The following LYZL1 variants were observed in gnomAD, a reference collection of about 807,000 sequenced individuals.
The protein encoded by LYZL1 is lysozyme like 1, also known as lysozyme-like protein 1.
Under a neutral mutation model 17.9 loss-of-function variants are expected in LYZL1, and 16 were observed. The observed-to-expected ratio is 0.90, with a 90% CI of 0.61 to 1.36. LYZL1 has a LOEUF of 1.36. LYZL1 is among the 40% of genes most tolerant of loss of function. LYZL1 has a pLI of 0.00. For synonymous variants in LYZL1, 58 were observed against 71.8 expected, an observed-to-expected ratio of 0.81 and a Z score of 0.97; for missense variants, 149 against 188.4, an observed-to-expected ratio of 0.79 and a Z score of 1.22.
At chr10:29,302,975 T>C (rs1239832850) in intron 3 of LYZL1, among the ~76,000 whole-genome samples, 2 of 152,184 alleles carry the variant, frequency 1.3e-5, no homozygotes, top group African/African-American at 4.8e-5. Context: ...TACCAAGGCA[T>C]AACTAAGCAT....
rs1468161860 is a variant in LYZL1, at chr10:29,308,090, A to AT, written c.299-2015dup. Among the ~76,000 whole-genome samples, 16 of 152,276 alleles carry AT rather than the reference A, an allele frequency of 1.1e-4. No homozygotes were observed. The East Asian group carries it at 2.7e-3, about 26-fold the overall frequency. On this transcript the variant is annotated intron_variant, in intron 3 of 4. Coordinates refer to ENST00000649382, the MANE Select transcript of LYZL1 (RefSeq NM_032517.6). ...AGAAATGAGATCAAGTGGTTTGAGTATTTTTGTCCTTGATTGGTGGTTGTG... is the reference window on the plus strand; with the variant it reads ...AGAAATGAGATCAAGTGGTTTGAGTATTTTTTGTCCTTGATTGGTGGTTGTG...
At chr10:29,315,943 C>T (rs1387796594), downstream of LYZL1, among the ~76,000 whole-genome samples, 2 of 152,192 alleles carry the variant, frequency 1.3e-5, no homozygotes, top group Non-Finnish European at 2.9e-5. Flanking sequence ...TGATGCTTCT[C>T]CAGGTTGCCA....
In LYZL1 at chr10:29,300,376, C is replaced by T. The variant is rs78846793; in HGVS notation, c.298+7699C>T. 9.5e-3 allele frequency among the ~76,000 whole-genome samples: 1,445 copies of T among 152,212 alleles called. 9 individuals carry two copies. Among genetic ancestry groups the T allele is most frequent in the Non-Finnish European group, 0.014 (944 of 68,024 alleles). On this transcript the variant is annotated intron_variant, in intron 3 of 4. Transcript: ENST00000649382. ...TACATTCTACCCTCAAATAACACAC[C>T]ACTTCATATATAACATATGAGTTTC...
Position 29,292,668 on chromosome 10 carries a change from G to T in LYZL1, c.289G>T (p.Ala97Ser). The change falls in exon 3 of 5, where the codon GCC becomes TCC. Residue 97 changes from alanine to serine, a missense_variant. Physicochemically the swap from Ala to Ser is moderately conservative, Grantham distance 99 (BLOSUM62 1). This residue lies in a region of LYZL1 where 130 missense variants were observed against 132.5 expected (regional missense o/e 0.98). Transcript: ENST00000649382. ...KLKENNHCHV[A>S]CSALITDDLT... The stretch of plus-strand genomic sequence containing the variant: ...GAAGGAGAACAACCACTGCCATGTC[G>T]CCTGCTCAGGTGAGGCTCTGACTTT... The T allele has an allele frequency of 6.2e-7, 1 of 1,613,194 alleles. No homozygotes were observed. The highest frequency in any genetic ancestry group is 8.5e-7 in the Non-Finnish European group (1 of 1,179,488).
At chr10:29,304,143 C>T (rs1236788464) in intron 3 of LYZL1, among the ~76,000 whole-genome samples, 1 of 152,176 alleles carries the variant, frequency 6.6e-6, no homozygotes, top group African/African-American at 2.4e-5. Context: ...TTTCCCTAAA[C>T]TATTTGGACA....
At chr10:29,309,205 T>C (rs1835636603) in intron 3 of LYZL1, among the ~76,000 whole-genome samples, 1 of 151,946 alleles carries the variant, frequency 6.6e-6, no homozygotes, top group Admixed American at 6.6e-5. Flanking sequence ...GGCACACACC[T>C]GTAATTCCAG....
chr10:29,291,041 T>C (rs1347287048), intron 1 of LYZL1, among the ~76,000 whole-genome samples: 4 of 152,076 alleles, frequency 2.6e-5, no homozygotes, highest in Admixed American at 6.5e-5. Flanking sequence ...TTTCTACACA[T>C]CCAGTTGATC....
At chr10:29,310,959 T>G (rs746966357) in intron 4 of LYZL1, 31 bp from the exon 5 acceptor site, 1 of 1,614,200 alleles carries the variant, frequency 6.2e-7, no homozygotes, top group Non-Finnish European at 8.5e-7. Flanking sequence ...CACGCTTCTT[T>G]CTGCTGCTCC....
At chr10:29,302,501 C>T (rs752748830) in intron 3 of LYZL1, among the ~76,000 whole-genome samples, 3 of 152,106 alleles carry the variant, frequency 2.0e-5, no homozygotes, top group African/African-American at 4.8e-5. Context: ...ATGTTCTGGG[C>T]GGTCCTCTTC....
downstream of LYZL1, chr10:29,311,233 C>T (rs1835668115): frequency 7.3e-6 from 11 of 1,499,182 alleles, no homozygotes; most frequent in Admixed American, 1.3e-4. Flanking sequence ...GTCTTCACCC[C>T]GTCTCAGTTC....
chr10:29,316,097 G>A (rs1835726817), downstream of LYZL1, among the ~76,000 whole-genome samples: 1 of 152,152 alleles, frequency 6.6e-6, no homozygotes, highest in South Asian at 2.1e-4. Flanking sequence ...TTGCAGAGGA[G>A]TCATGGCCAG....
chr10:29,313,071 G>A (rs1835691544), downstream of LYZL1, among the ~76,000 whole-genome samples: 1 of 152,104 alleles, frequency 6.6e-6, no homozygotes, highest in Non-Finnish European at 1.5e-5. Context: ...GGCTTGCCTT[G>A]CATGCAGAGG....
intron 3 of LYZL1, among the ~76,000 whole-genome samples, chr10:29,296,338 C>T (rs1835445833): frequency 6.6e-6 from 1 of 152,126 alleles, no homozygotes; most frequent in African/African-American, 2.4e-5. Context: ...GAGAAGCAAA[C>T]ACAGAACCAA....
At chr10:29,310,419 T>C (rs554770596) in intron 4 of LYZL1, among the ~76,000 whole-genome samples, 57 of 152,244 alleles carry the variant, frequency 3.7e-4, no homozygotes, top group Non-Finnish European at 6.9e-4. Context: ...CAATTGCTTT[T>C]CATATGAACG....
downstream of LYZL1, among the ~76,000 whole-genome samples, chr10:29,315,557 TA>T (rs1835720399): frequency 6.6e-6 from 1 of 151,260 alleles, no homozygotes. Context: ...ACCATAAAAA[TA>T]AAAAGTTTAA....
At chr10:29,297,904 A>G (rs2132821287) in intron 3 of LYZL1, among the ~76,000 whole-genome samples, 1 of 152,292 alleles carries the variant, frequency 6.6e-6, no homozygotes, top group East Asian at 1.9e-4. Flanking sequence ...CTCAACCACA[A>G]CACTGGAAGC....
chr10:29,307,528 G>A (rs1835612364), intron 3 of LYZL1, among the ~76,000 whole-genome samples: 1 of 152,168 alleles, frequency 6.6e-6, no homozygotes, highest in African/African-American at 2.4e-5. Context: ...TAATTTAAAT[G>A]TAAATTGTCA....
chr10:29,293,305 A>G (rs1227680284), intron 3 of LYZL1, among the ~76,000 whole-genome samples: 5 of 150,764 alleles, frequency 3.3e-5, no homozygotes, highest in Non-Finnish European at 7.4e-5. Flanking sequence ...TTTTGTAGAG[A>G]CAGAGTCTGG....
In LYZL1 at chr10:29,292,565, G is replaced by C. The variant is rs1274089697; in HGVS notation, c.186G>C (p.Gln62His). 6 of 1,614,234 alleles carry C rather than the reference G, an allele frequency of 3.7e-6. 1 individual carries two copies. The South Asian group carries it at 6.6e-5, about 18-fold the overall frequency. The change falls in exon 3 of 5, where the codon CAG becomes CAC. Residue 62 changes from glutamine (Q) to histidine (H), a missense_variant. Gln to His is a conservative substitution (Grantham distance 24). Transcript: ENST00000649382. ...AGAGCGGCTACAACACCACAGCCCA[G>C]ACGGTCCTGGATGACGGCAGCATCG... ...YYESGYNTTA[Q>H]TVLDDGSIDY...
Sources: allele counts gnomAD v4.1 joint callset (sites outside exome capture counted in the v4.1 genomes callset), GRCh38; gene constraint gnomAD v4.1.1; regional missense constraint gnomAD v4.1.1; transcripts MANE v1.5; gene names NCBI Gene and HGNC (gene_info 2026-07-23, HGNC 2026-07-21).